USP8: variants seen among roughly 807,000 people sequenced by gnomAD.
The protein encoded by USP8 is ubiquitin specific peptidase 8, also known as ubiquitin carboxyl-terminal hydrolase 8.
In USP8, 27 loss-of-function variants were observed where a neutral mutation model predicts 130.0. The observed-to-expected ratio is 0.21, with a 90% CI of 0.15 to 0.29. The LOEUF is 0.29. USP8 is among the 10% of genes least tolerant of loss of function. The pLI, the probability that USP8 is intolerant of heterozygous loss-of-function variation, is 1.00. For missense variants in USP8, 1,029 were observed against 1,312.2 expected (o/e 0.78, Z 3.33); for synonymous variants, 392 against 444.1 (o/e 0.88, Z 1.48).
At chr15:50,481,060 C>T (rs118174247) in intron 10 of USP8, among the ~76,000 whole-genome samples, 2 of 147,046 alleles carry the variant, frequency 1.4e-5, no homozygotes, top group African/African-American at 2.5e-5. Flanking sequence ...CCATGTTTGT[C>T]GGGGTGGGGG....
At chr15:50,497,722 G>C (rs1196729304) in intron 18 of USP8, 1 of 152,106 alleles carries the variant, frequency 6.6e-6, no homozygotes, top group Non-Finnish European at 1.5e-5. Context: ...ATAATGACAA[G>C]AGTTATAAAA....
chr15:50,492,326 C>T (rs2052207141), intron 14 of USP8, among the ~76,000 whole-genome samples: 2 of 151,992 alleles, frequency 1.3e-5, no homozygotes, highest in Non-Finnish European at 2.9e-5. Context: ...ATTTGGCATT[C>T]TGGGTGAGTT....
rs527719094 is a variant in USP8, at chr15:50,510,749, T to C, written c.*11661T>C. 2 of 152,112 alleles carry C rather than the reference T, an allele frequency of 1.3e-5. No individual in the cohort carries two copies. The highest frequency in any genetic ancestry group is 3.9e-4 in the East Asian group (2 of 5,186). 9.4% of individuals were successfully genotyped at this position (152,112 alleles called of 1,614,324 possible). A position where few individuals can be genotyped will look rare whatever the true frequency, so the allele number is the denominator to read the frequency against. On this transcript the variant is annotated 3_prime_UTR_variant, in exon 20 of 20. Coordinates refer to ENST00000307179, the MANE Select transcript of USP8 (RefSeq NM_005154.5). ...TGTTAATAACTGAATCTAGCTGAAA[T>C]GTACACCAATGTACACCAATGTTTT...
At chr15:50,493,358 T>A in intron 15 of USP8, 1 of 520,094 alleles carries the variant, frequency 1.9e-6, no homozygotes, top group South Asian at 1.4e-5. Context: ...GTGAATAATT[T>A]CATGTTGACA....
chr15:50,473,827 T>A (rs1022117896), intron 8 of USP8, among the ~76,000 whole-genome samples: 12 of 150,668 alleles, frequency 8.0e-5, no homozygotes, highest in East Asian at 3.9e-4. Context: ...TATATTTTTT[T>A]AATTTAATTT....
At chr15:50,476,798 A>G in intron 8 of USP8, 51 bp from the exon 9 acceptor site, 1 of 1,494,544 alleles carries the variant, frequency 6.7e-7, no homozygotes, top group Non-Finnish European at 8.9e-7. Flanking sequence ...TTGTGTTTTT[A>G]GCTGTTGAAA....
chr15:50,459,413 G>T (rs896214456), intron 5 of USP8, among the ~76,000 whole-genome samples: 1 of 152,026 alleles, frequency 6.6e-6, no homozygotes, highest in African/African-American at 2.4e-5. Context: ...GCGAAACCCC[G>T]ACTCTACTAA....
At chr15:50,464,977 C>T in intron 6 of USP8, 70 bp from the exon 7 acceptor site, 1 of 1,570,108 alleles carries the variant, frequency 6.4e-7, no homozygotes, top group Non-Finnish European at 8.6e-7. Context: ...AGCGGTTTGT[C>T]CTGTGTTTTG....
At chr15:50,485,820 T>C (rs898089021) in intron 12 of USP8, among the ~76,000 whole-genome samples, 1 of 152,046 alleles carries the variant, frequency 6.6e-6, no homozygotes, top group African/African-American at 2.4e-5. Context: ...AAGTCCCTTA[T>C]ATAAAATGGT....
chr15:50,443,132 G>A (rs539433225), intron 3 of USP8, among the ~76,000 whole-genome samples: 2 of 151,776 alleles, frequency 1.3e-5, no homozygotes, highest in African/African-American at 2.4e-5. Flanking sequence ...TCCACCTTTC[G>A]GGTTCAAGCG....
chr15:50,449,554 G>T (rs188967601), intron 4 of USP8, 69 bp downstream of exon 4: 7 of 1,143,826 alleles, frequency 6.1e-6, no homozygotes, highest in Non-Finnish European at 8.4e-6. Flanking sequence ...AAGATTTACC[G>T]ATTTATATCT....
Position 50,499,681 on chromosome 15 carries a change from C to A in USP8, c.*593C>A, listed in dbSNP as rs2052542885. ...GTTGGCTTTGGGCTGTATTTGTGCACTAAATCTTTATTCTAAAAAAAAAAA... is the reference window on the plus strand; with the variant it reads ...GTTGGCTTTGGGCTGTATTTGTGCAATAAATCTTTATTCTAAAAAAAAAAA... On this transcript the variant is annotated 3_prime_UTR_variant, in exon 20 of 20. Coordinates refer to ENST00000307179, the MANE Select transcript of USP8 (RefSeq NM_005154.5). 1 of 151,232 alleles carries A rather than the reference C, an allele frequency of 6.6e-6. No individual in the cohort carries two copies. Among genetic ancestry groups the A allele is most frequent in the Non-Finnish European group, 1.5e-5 (1 of 67,876 alleles). The allele number at this position is 151,232 out of a possible 1,614,324, so 9.4% of individuals were successfully genotyped here. A position where few individuals can be genotyped will look rare whatever the true frequency, so the allele number is the denominator to read the frequency against.
intron 18 of USP8, chr15:50,497,562 G>A (rs2052465296): frequency 5.7e-6 from 1 of 175,962 alleles, no homozygotes; most frequent in Non-Finnish European, 1.2e-5. Context: ...GCAGACTAAA[G>A]CATAACAGAC....
At chr15:50,437,897 C>T (rs541163858) in intron 1 of USP8, among the ~76,000 whole-genome samples, 19 of 152,196 alleles carry the variant, frequency 1.2e-4, no homozygotes, top group African/African-American at 4.3e-4. Context: ...TATATTAGAT[C>T]GTTGTTTCTA....
chr15:50,484,946 GAC>G (rs1293018892), intron 12 of USP8, among the ~76,000 whole-genome samples: 2 of 152,130 alleles, frequency 1.3e-5, no homozygotes, highest in East Asian at 3.9e-4. Flanking sequence ...AATGTATAGA[GAC>G]AGAAAGTAGA....
intron 14 of USP8, 56 bp downstream of exon 14, chr15:50,490,581 A>C (rs2141318047): frequency 6.4e-7 from 1 of 1,571,446 alleles, no homozygotes. Context: ...CAAAGTTTCT[A>C]CTCTGAATCT....
At chr15:50,437,789 T>G (rs2050133134) in intron 1 of USP8, among the ~76,000 whole-genome samples, 1 of 152,220 alleles carries the variant, frequency 6.6e-6, no homozygotes, top group African/African-American at 2.4e-5. Context: ...AGTTGATCCA[T>G]TTGGGAGTGA....
At chr15:50,448,485 C>T (rs2050510829) in intron 3 of USP8, among the ~76,000 whole-genome samples, 1 of 151,878 alleles carries the variant, frequency 6.6e-6, no homozygotes, top group Admixed American at 6.6e-5. Context: ...AAATTATATG[C>T]CAAATCTTTT....
In USP8 at chr15:50,510,160, T is replaced by TA. The variant is rs1222163494; in HGVS notation, c.*11073dup. On this transcript the variant is annotated 3_prime_UTR_variant, in exon 20 of 20. Transcript: ENST00000307179. Reference sequence around the variant, plus strand: ...GCATAGGAAAACCAGCATTATATGTTACTGAGGAAAAGAAGAGGCTGAGAC... The same window carrying TA: ...GCATAGGAAAACCAGCATTATATGTTAACTGAGGAAAAGAAGAGGCTGAGAC... 1.3e-5 allele frequency: 2 copies of TA among 151,360 alleles called. No homozygotes were observed. Among genetic ancestry groups the TA allele is most frequent in the African/African-American group, 4.9e-5 (2 of 40,634 alleles). 9.4% of individuals were successfully genotyped at this position (151,360 alleles called of 1,614,324 possible).
Sources: allele counts gnomAD v4.1 joint callset (sites outside exome capture counted in the v4.1 genomes callset), GRCh38; gene constraint gnomAD v4.1.1; transcripts MANE v1.5; gene names NCBI Gene and HGNC (gene_info 2026-07-23, HGNC 2026-07-21).